The following MICU1 variants were observed in gnomAD, a reference collection of about 807,000 sequenced individuals.
The protein encoded by MICU1 is mitochondrial calcium uptake 1.
In MICU1, 45 loss-of-function variants were observed where a neutral mutation model predicts 56.8. The ratio of observed to expected loss-of-function variants is 0.79; its 90% CI spans 0.62 to 1.02. MICU1 has a LOEUF of 1.02. Among genes scored for constraint, MICU1 ranks in the 50% least tolerant of loss-of-function variants. The pLI, the probability that MICU1 is intolerant of heterozygous loss-of-function variation, is 0.00. For synonymous variants in MICU1, 186 were observed against 195.1 expected, an observed-to-expected ratio of 0.95 and a Z score of 0.39; for missense variants, 504 against 587.1, an observed-to-expected ratio of 0.86 and a Z score of 1.46.
chr10:72,530,372 A>AATAATAATAATAATAATAATAATAATG (rs538954555), intron 5 of MICU1, among the ~76,000 whole-genome samples: 33 of 143,954 alleles, frequency 2.3e-4, no homozygotes, highest in Non-Finnish European at 2.0e-4. Flanking sequence ...TAATAATAAT[A>AATAATAATAATAATAATAATAATAATG]ATGCCAGAAT....
At chr10:72,396,891 C>A (rs900420837) in intron 10 of MICU1, among the ~76,000 whole-genome samples, 1 of 152,100 alleles carries the variant, frequency 6.6e-6, no homozygotes, top group African/African-American at 2.4e-5. Context: ...ACTTCCCCAA[C>A]CTAGCAAGGC....
intron 3 of MICU1, among the ~76,000 whole-genome samples, chr10:72,552,030 G>A (rs919763452): frequency 3.3e-5 from 5 of 152,126 alleles, no homozygotes; most frequent in Non-Finnish European, 7.3e-5. Flanking sequence ...AGATTTCATA[G>A]GTTTCAAAAG....
intron 2 of MICU1, among the ~76,000 whole-genome samples, chr10:72,565,261 T>C (rs1235275234): frequency 6.6e-6 from 1 of 151,802 alleles, no homozygotes; most frequent in Non-Finnish European, 1.5e-5. Context: ...AATGATAGAC[T>C]GGATTAAGAA....
intron 5 of MICU1, among the ~76,000 whole-genome samples, chr10:72,514,214 T>C (rs1444572902): frequency 6.6e-6 from 1 of 152,190 alleles, no homozygotes; most frequent in Non-Finnish European, 1.5e-5. Flanking sequence ...TTTCTATGTA[T>C]CTATTGAAAT....
intron 8 of MICU1, among the ~76,000 whole-genome samples, chr10:72,463,552 G>T (rs1865701465): frequency 6.6e-6 from 1 of 152,130 alleles, no homozygotes; most frequent in Non-Finnish European, 1.5e-5. Context: ...TATTATCAAG[G>T]TTGCATTTAC....
chr10:72,372,071 GA>G lies in MICU1; in HGVS notation c.1270+3711del, dbSNP rs1165544289. On this transcript the variant is annotated intron_variant, in intron 11 of 11. Coordinates refer to ENST00000361114, the MANE Select transcript of MICU1 (RefSeq NM_001195518.2). ...ATGCTGTCTCGAAAAAAAAAAAAAAGAAAAAAATAAATGTAGGCCAGGTGTG... is the reference window on the plus strand; with the variant it reads ...ATGCTGTCTCGAAAAAAAAAAAAAAGAAAAAATAAATGTAGGCCAGGTGTG... Among the ~76,000 whole-genome samples the G allele has an allele frequency of 3.6e-4, 53 of 148,428 alleles. 1 individual carries two copies. Among genetic ancestry groups the G allele is most frequent in the African/African-American group, 1.3e-3 (51 of 40,234 alleles).
At chr10:72,420,567 T>C (rs1351994873) in intron 9 of MICU1, among the ~76,000 whole-genome samples, 1 of 152,166 alleles carries the variant, frequency 6.6e-6, no homozygotes, top group African/African-American at 2.4e-5. Context: ...CATGGTCAGA[T>C]GGTAGCCATT....
intron 8 of MICU1, among the ~76,000 whole-genome samples, chr10:72,448,159 G>C (rs1401444436): frequency 1.4e-5 from 1 of 73,974 alleles, no homozygotes; most frequent in Non-Finnish European, 3.3e-5. Context: ...GTCTGTGTGT[G>C]TGTATATGTG....
rs542211362 is a variant in MICU1, at chr10:72,544,363, C to A, written c.493+6816G>T. 2.6e-5 allele frequency among the ~76,000 whole-genome samples: 4 copies of A among 152,192 alleles called. No homozygotes were observed. In the East Asian group the frequency reaches 7.7e-4, roughly 29 times the overall value. On this transcript the variant is annotated intron_variant, in intron 4 of 11. Coordinates refer to ENST00000361114, the MANE Select transcript of MICU1 (RefSeq NM_001195518.2). ...GGGGTTTTGTCTGCGGCCTGTCCTG[C>A]TACAAGGGGTCATCCTAGAGATAAT... is the stretch of plus-strand genomic sequence containing the variant.
At chr10:72,438,541 C>G (rs942394783) in intron 8 of MICU1, among the ~76,000 whole-genome samples, 3 of 151,364 alleles carry the variant, frequency 2.0e-5, no homozygotes, top group Non-Finnish European at 4.4e-5. Flanking sequence ...CAAGAAATAA[C>G]TAAGATCAGA....
chr10:72,566,039 C>CTTTTTTTT (rs11376019), intron 2 of MICU1, among the ~76,000 whole-genome samples: 75 of 69,758 alleles, frequency 1.1e-3, no homozygotes, highest in Non-Finnish European at 1.5e-3. Context: ...CATTCATTTT[C>CTTTTTTTT]TTTTTTTTTT....
At chr10:72,468,732 G>A (rs1865868150) in intron 8 of MICU1, among the ~76,000 whole-genome samples, 1 of 152,134 alleles carries the variant, frequency 6.6e-6, no homozygotes, top group Non-Finnish European at 1.5e-5. Context: ...TATCTTGCAA[G>A]CACAAAAGAA....
intron 8 of MICU1, among the ~76,000 whole-genome samples, chr10:72,466,671 A>G (rs563062455): frequency 3.5e-4 from 53 of 152,362 alleles, no homozygotes; most frequent in African/African-American, 1.3e-3. Context: ...TATCAGTGCA[A>G]AAAGAAACCT....
intron 6 of MICU1, among the ~76,000 whole-genome samples, chr10:72,505,133 C>T (rs945222530): frequency 3.3e-5 from 5 of 151,824 alleles, no homozygotes; most frequent in African/African-American, 9.7e-5. Flanking sequence ...ACCACCACAC[C>T]TGGCTAATTT....
chr10:72,512,979 C>CA (rs1867528085), intron 5 of MICU1, among the ~76,000 whole-genome samples: 1 of 152,102 alleles, frequency 6.6e-6, no homozygotes, highest in Non-Finnish European at 1.5e-5. Flanking sequence ...GCTGGGGTTA[C>CA]AGGCATGAGC....
intron 6 of MICU1, among the ~76,000 whole-genome samples, chr10:72,490,318 C>T (rs1341281015): frequency 2.0e-5 from 3 of 152,038 alleles, no homozygotes; most frequent in Non-Finnish European, 4.4e-5. Context: ...CAGTTTTATT[C>T]CAAAACTTTC....
chr10:72,535,005 T>TTTTA (rs1839588252), intron 4 of MICU1, among the ~76,000 whole-genome samples: 23 of 116,356 alleles, frequency 2.0e-4, no homozygotes, highest in African/African-American at 7.5e-4. Flanking sequence ...CTCCCTCTAT[T>TTTTA]TTTTATTTTA....
At chr10:72,564,381 A>C (rs1840372869) in intron 2 of MICU1, among the ~76,000 whole-genome samples, 1 of 151,956 alleles carries the variant, frequency 6.6e-6, no homozygotes, top group African/African-American at 2.4e-5. Context: ...TCTCTACTAA[A>C]AATACAAAAG....
intron 1 of MICU1, among the ~76,000 whole-genome samples, chr10:72,603,423 T>C (rs920005029): frequency 6.6e-6 from 1 of 151,482 alleles, no homozygotes; most frequent in South Asian, 2.1e-4. Flanking sequence ...AATAAGTTTA[T>C]TTTGCCAAAG....
Sources: gnomAD v4.1 joint callset for allele counts (sites outside exome capture counted in the v4.1 genomes callset) on GRCh38, gnomAD v4.1.1 for gene constraint, MANE v1.5 for transcripts, NCBI Gene and HGNC (gene_info 2026-07-23, HGNC 2026-07-21) for gene names.